Variants in CGREF1 observed in about 807,000 individuals in gnomAD.
The protein encoded by CGREF1 is cell growth regulator with EF hand domain protein 1.
In CGREF1, 16 loss-of-function variants were observed where a neutral mutation model predicts 17.4. The observed-to-expected ratio is 0.92, with a 90% confidence interval of 0.62 to 1.40. CGREF1 has a LOEUF of 1.40. Among genes scored for constraint, CGREF1 ranks in the 40% most tolerant of loss-of-function variants. The probability of loss-of-function intolerance (pLI) is 0.00; values close to 1 mark genes in which losing one functional copy is unlikely to be tolerated. For missense variants in CGREF1, 296 were observed against 376.4 expected (o/e 0.79, Z 1.77); for synonymous variants, 142 against 154.6 (o/e 0.92, Z 0.61).
intron 1 of CGREF1, among the ~76,000 whole-genome samples, chr2:27,115,183 A>G (rs1011538148): frequency 9.2e-5 from 14 of 152,250 alleles, no homozygotes; most frequent in African/African-American, 3.1e-4. Context: ...TGCTTAGGCT[A>G]ATGCTCTGTT....
chr2:27,112,794 T>C (rs1671439123), intron 1 of CGREF1, among the ~76,000 whole-genome samples: 1 of 152,178 alleles, frequency 6.6e-6, no homozygotes, highest in Non-Finnish European at 1.5e-5. Context: ...GATTTGAGTA[T>C]ATCAAAAGTT....
intron 5 of CGREF1, 90 bp downstream of exon 5, chr2:27,102,007 G>A: frequency 1.4e-5 from 22 of 1,558,406 alleles, no homozygotes; most frequent in Non-Finnish European, 1.8e-5. Context: ...CTTTTACAGA[G>A]GACTCACCAA....
chr2:27,100,372 C>A (rs762163233), downstream of CGREF1: 3 of 1,219,844 alleles, frequency 2.5e-6, no homozygotes, highest in Non-Finnish European at 3.2e-6. Context: ...TACCTCCTCC[C>A]GCTGACTGCC....
intron 5 of CGREF1, 81 bp from the exon 6 acceptor site, chr2:27,101,969 A>G (rs955036193): frequency 5.1e-6 from 8 of 1,569,442 alleles, no homozygotes; most frequent in Non-Finnish European, 6.9e-6. Context: ...ACACCCTTGC[A>G]TCCCTGCCGT....
intron 2 of CGREF1, chr2:27,103,148 G>A (rs1670974509): frequency 1.0e-6 from 1 of 981,354 alleles, no homozygotes; most frequent in Admixed American, 6.2e-5. Flanking sequence ...TCTGGACTGG[G>A]TTAACTGTTT....
At position 27,116,902 on chromosome 2, in the gene CGREF1, TCTCTCTCTCTCTCTCTCTCTC is replaced by T. The variant is rs1558466891; in HGVS notation, c.-12+1923_-12+1943del. 6.6e-3 allele frequency among the ~76,000 whole-genome samples: 880 copies of T among 134,166 alleles called. 11 individuals carry two copies. Among genetic ancestry groups the T allele is most frequent in the Non-Finnish European group, 8.1e-3 (508 of 62,432 alleles). 88.0% of individuals were successfully genotyped at this position (134,166 alleles called of 152,430 possible). A position where few individuals can be genotyped will look rare whatever the true frequency, so the allele number is the denominator to read the frequency against. The stretch of plus-strand genomic sequence containing the variant: ...CTCTCTCTCTCTCTCTCTCTCTCTC[TCTCTCTCTCTCTCTCTCTCTC>T]TTTTTTTGAGACAGAGTCTCGCTCT... On this transcript the variant is annotated intron_variant, in intron 1 of 5. Transcript: ENST00000402394.
Position 27,102,526 on chromosome 2 carries a change from C to T in CGREF1, c.146G>A (p.Gly49Glu), listed in dbSNP as rs1670939083. 1 of 1,614,054 alleles carries T rather than the reference C, an allele frequency of 6.2e-7. No individual in the cohort carries two copies. Among genetic ancestry groups the T allele is most frequent in the Non-Finnish European group, 8.5e-7 (1 of 1,179,926 alleles). ...AGCACCCCCGGCCCACCCTACTCAC[C>T]CGAGCTGCTCCTGGCCTGGCTGGAA... is the stretch of plus-strand genomic sequence containing the variant. ...NPFQPGQEQL[G>E]LLQSYLKGLG... Residue 49 changes from glycine to glutamate, a missense_variant and splice_region_variant, in exon 3 of 6, where the codon GGA becomes GAA. Gly to Glu is a moderately conservative substitution (Grantham distance 98). Around this residue, in one of 3 missense-constraint regions of CGREF1, gnomAD observed 247 missense variants for 267.2 expected, o/e 0.92. Coordinates refer to ENST00000402394, the MANE Select transcript of CGREF1 (RefSeq NM_006569.6).
intron 1 of CGREF1, among the ~76,000 whole-genome samples, chr2:27,110,377 C>T (rs185165938): frequency 2.0e-4 from 29 of 148,360 alleles, no homozygotes; most frequent in African/African-American, 7.0e-4. Flanking sequence ...ACTCCAGCCT[C>T]GGTGACAGTC....
rs182608493 is a variant in CGREF1 at position 27,111,320 on chromosome 2, A to T, written c.-11-6943T>A. On this transcript the variant is annotated intron_variant, in intron 1 of 5. Coordinates refer to ENST00000402394, the MANE Select transcript of CGREF1 (RefSeq NM_006569.6). ...TGCATTCCCAAACCCAGAGCTAGAC[A>T]CAGGGTGCTGATTGGTGTGTTTACA... Among the ~76,000 whole-genome samples the T allele has an allele frequency of 3.9e-5, 6 of 152,346 alleles. No individual in the cohort carries two copies. In the East Asian group the frequency reaches 1.2e-3, roughly 29 times the overall value.
intron 1 of CGREF1, among the ~76,000 whole-genome samples, chr2:27,107,439 G>T (rs538010459): frequency 6.6e-6 from 1 of 151,678 alleles, no homozygotes; most frequent in African/African-American, 2.4e-5. Flanking sequence ...ATTTTTAGTA[G>T]AGATGGGGTT....
Position 27,101,020 on chromosome 2 carries a change from C to T in CGREF1, c.*254G>A. The stretch of plus-strand genomic sequence containing the variant: ...GCATCCCTGTCCTTTCGGTCCCCAA[C>T]CCCGTTCCTCTGAGAGGGTCTGGGC... On this transcript the variant is annotated 3_prime_UTR_variant, in exon 6 of 6. Transcript: ENST00000402394. 7.7e-7 allele frequency: 1 copy of T among 1,293,932 alleles called. No homozygotes were observed. Among genetic ancestry groups the T allele is most frequent in the Non-Finnish European group, 9.8e-7 (1 of 1,025,136 alleles). The allele number at this position is 1,293,932 out of a possible 1,614,324, so 80.2% of individuals were successfully genotyped here.
downstream of CGREF1, chr2:27,100,531 G>C (rs1484222493): frequency 1.5e-6 from 2 of 1,290,832 alleles, no homozygotes; most frequent in African/African-American, 1.5e-5. Context: ...TCCAATATAG[G>C]GTGGGTAAGG....
chr2:27,101,391 TG>T lies in CGREF1; in HGVS notation c.839del (p.Ala280GlufsTer42), dbSNP rs1670825113. On this transcript the variant is annotated frameshift_variant, in exon 6 of 6. Transcript: ENST00000402394. LOFTEE classifies it low-confidence loss of function (END_TRUNC). ...PGPRGEAGGQAEARENGEEAK... is the reference protein window; with the variant it reads ...PGPRGEAGGQXEARENGEEAK... Reference sequence around the variant, plus strand: ...CCTCCTCTCCATTCTCCCTGGCCTCTGCCTGGCCCCCAGCTTCCCCTCTGGG... The same window carrying T: ...CCTCCTCTCCATTCTCCCTGGCCTCTCCTGGCCCCCAGCTTCCCCTCTGGG... 1.3e-5 allele frequency: 21 copies of T among 1,575,676 alleles called. No individual in the cohort carries two copies. Among genetic ancestry groups the T allele is most frequent in the South Asian group, 4.6e-5 (4 of 86,326 alleles).
downstream of CGREF1, chr2:27,099,373 G>T (rs758228868): frequency 6.2e-7 from 1 of 1,612,324 alleles, no homozygotes; most frequent in Non-Finnish European, 8.5e-7. Flanking sequence ...AGGATGGCTG[G>T]GGGGACGGGG....
chr2:27,107,126 G>T (rs1159355244), intron 1 of CGREF1, among the ~76,000 whole-genome samples: 1 of 152,114 alleles, frequency 6.6e-6, no homozygotes, highest in Non-Finnish European at 1.5e-5. Flanking sequence ...TAGCCAAAAC[G>T]TTATAAACAT....
chr2:27,107,636 T>TA (rs555266964), intron 1 of CGREF1, among the ~76,000 whole-genome samples: 1,624 of 138,126 alleles, frequency 0.012, 19 homozygotes, highest in East Asian at 0.034. Flanking sequence ...CAGTATGTTT[T>TA]AAAAAAAAAA....
rs148179984 is a variant in CGREF1, at chr2:27,104,340, T to G, written c.27A>C (p.Leu9Phe). The change falls in exon 2 of 6, where the codon TTA becomes TTC. Residue 9 changes from leucine to phenylalanine, a missense_variant. Coordinates refer to ENST00000402394, the MANE Select transcript of CGREF1 (RefSeq NM_006569.6). MLPLTMTV[L>F]ILLLLPTGQA... Reference sequence around the variant, plus strand: ...GACCCGTGGGGAGCAGCAGCAGGATTAACACTGTCATCGTCAAAGGTAACA... The same window carrying G: ...GACCCGTGGGGAGCAGCAGCAGGATGAACACTGTCATCGTCAAAGGTAACA... The G allele has an allele frequency of 1.2e-6, 2 of 1,605,148 alleles. No homozygotes were observed. The highest frequency in any genetic ancestry group is 1.7e-6 in the Non-Finnish European group (2 of 1,175,428).
At chr2:27,099,626 C>T (rs918025823), downstream of CGREF1, 1 of 1,614,126 alleles carries the variant, frequency 6.2e-7, no homozygotes, top group Non-Finnish European at 8.5e-7. Context: ...GTCCCTGCCC[C>T]AAACACCTGG....
intron 2 of CGREF1, among the ~76,000 whole-genome samples, 189 bp downstream of exon 2, chr2:27,104,098 A>T (rs968123860): frequency 1.3e-5 from 2 of 152,196 alleles, no homozygotes; most frequent in African/African-American, 4.8e-5. Context: ...GGGTCCAGCA[A>T]GCATGTACTG....
Sources: allele counts gnomAD v4.1 joint callset (sites outside exome capture counted in the v4.1 genomes callset), GRCh38; gene constraint gnomAD v4.1.1; regional missense constraint gnomAD v4.1.1; transcripts MANE v1.5; gene names NCBI Gene and HGNC (gene_info 2026-07-23, HGNC 2026-07-21).